Variants in RGMA observed in about 807,000 individuals in gnomAD.
RGMA encodes repulsive guidance molecule BMP co-receptor a.
In RGMA, 10 loss-of-function variants were observed where a neutral mutation model predicts 23.2. The ratio of observed to expected loss-of-function variants is 0.43; its 90% CI spans 0.27 to 0.73. The LOEUF (loss-of-function observed/expected upper bound fraction) is 0.73, where lower values mean the gene tolerates loss of function less well. Among genes scored for constraint, RGMA ranks in the 30% least tolerant of loss-of-function variants. The probability of loss-of-function intolerance (pLI) is 0.20; values close to 1 mark genes in which losing one functional copy is unlikely to be tolerated. For missense variants in RGMA, 547 were observed against 630.5 expected, an observed-to-expected ratio of 0.87 and a Z score of 1.42; for synonymous variants, 308 against 279.3, an observed-to-expected ratio of 1.10 and a Z score of -1.03.
At chr15:93,063,910 G>T (rs1254705190) in intron 2 of RGMA, among the ~76,000 whole-genome samples, 1 of 152,190 alleles carries the variant, frequency 6.6e-6, no homozygotes, top group South Asian at 2.1e-4. Context: ...AAAAGTGGCC[G>T]AATGCCACTC....
intron 2 of RGMA, among the ~76,000 whole-genome samples, chr15:93,055,580 C>T (rs2055000361): frequency 6.6e-6 from 1 of 152,218 alleles, no homozygotes; most frequent in Non-Finnish European, 1.5e-5. Flanking sequence ...CCCCGGCAGC[C>T]ACACATCATC....
At chr15:93,053,630 G>T (rs376161251) in intron 2 of RGMA, among the ~76,000 whole-genome samples, 6 of 152,202 alleles carry the variant, frequency 3.9e-5, no homozygotes, top group Non-Finnish European at 8.8e-5. Flanking sequence ...GCAGGCTAAC[G>T]CGAGCACGAG....
chr15:93,053,503 T>C (rs879890064), intron 2 of RGMA, among the ~76,000 whole-genome samples: 1 of 152,190 alleles, frequency 6.6e-6, no homozygotes, highest in African/African-American at 2.4e-5. Context: ...GCCTCAGCAC[T>C]CTTGTCTGGG....
chr15:93,048,527 G>C (rs147539156), intron 3 of RGMA, among the ~76,000 whole-genome samples: 1 of 152,070 alleles, frequency 6.6e-6, no homozygotes, highest in African/African-American at 2.4e-5. Flanking sequence ...GACCGGACTC[G>C]ATTTCCTCGC....
intron 3 of RGMA, among the ~76,000 whole-genome samples, chr15:93,050,774 C>G (rs2054904686): frequency 6.6e-6 from 1 of 152,160 alleles, no homozygotes; most frequent in Non-Finnish European, 1.5e-5. Context: ...CTCAGACCTC[C>G]CTGTGCGCCC....
intron 2 of RGMA, among the ~76,000 whole-genome samples, chr15:93,061,194 G>T (rs1281124801): frequency 6.6e-6 from 1 of 152,084 alleles, no homozygotes; most frequent in Admixed American, 6.5e-5. Flanking sequence ...TCACTCTGTC[G>T]CCCAGGCTGG....
rs2054934851 is a variant in RGMA, at chr15:93,052,208, T to C, written c.430A>G (p.Ile144Val). 1.9e-6 allele frequency: 3 copies of C among 1,610,042 alleles called. No homozygotes were observed. The highest frequency in any genetic ancestry group is 2.5e-6 in the Non-Finnish European group (3 of 1,177,008). ...TGAAAGCTCTTCTCGTAATGGCAGA[T>C]CTCGGGGCTGTCCGAGCGCTCCTGG... is the stretch of plus-strand genomic sequence containing the variant. Reference protein sequence around the residue: ...DSQERSDSPEICHYEKSFHKH... With the variant: ...DSQERSDSPEVCHYEKSFHKH... The change falls in exon 3 of 4, where the codon ATC becomes GTC. Residue 144 changes from isoleucine (I) to valine (V), a missense_variant. Physicochemically the swap from Ile to Val is conservative, Grantham distance 29. This residue lies in a region of RGMA where 214 missense variants were observed against 234.7 expected (regional missense o/e 0.91). Coordinates refer to ENST00000329082, the MANE Select transcript of RGMA (RefSeq NM_020211.3).
At position 93,042,285 on chromosome 15, in the gene RGMA, A is replaced by G. The variant is rs1286418640; in HGVS notation, c.*2713T>C. The G allele has an allele frequency of 2.6e-5, 4 of 152,284 alleles. No individual in the cohort carries two copies. The highest frequency in any genetic ancestry group is 2.1e-4 in the South Asian group (1 of 4,834). The allele number at this position is 152,284 out of a possible 1,614,324, so 9.4% of individuals were successfully genotyped here. A position where few individuals can be genotyped will look rare whatever the true frequency, so the allele number is the denominator to read the frequency against. Reference sequence around the variant, plus strand: ...AGCCTGCAGGTTCACCTCTCCCAAGAGTCCAGGGTCTGTATCGCCCCTTTC... The same window carrying G: ...AGCCTGCAGGTTCACCTCTCCCAAGGGTCCAGGGTCTGTATCGCCCCTTTC... On this transcript the variant is annotated 3_prime_UTR_variant, in exon 4 of 4. Transcript: ENST00000329082.
chr15:93,064,174 G>C (rs546195506), intron 2 of RGMA, among the ~76,000 whole-genome samples: 39 of 152,262 alleles, frequency 2.6e-4, no homozygotes, highest in Admixed American at 1.4e-3. Flanking sequence ...TCAGTGGGGG[G>C]GCTGATAGCT....
intron 1 of RGMA, chr15:93,088,570 G>C (rs1224100721): frequency 4.5e-5 from 47 of 1,047,034 alleles, no homozygotes; most frequent in Non-Finnish European, 5.1e-5. Context: ...CGGCGGGACA[G>C]TCGGGTGGCC....
chr15:93,063,143 G>C (rs1202598950), intron 2 of RGMA: 1 of 152,236 alleles, frequency 6.6e-6, no homozygotes, highest in Non-Finnish European at 1.5e-5. Flanking sequence ...AAGGGAGGGA[G>C]AGCAGCTTAA....
At chr15:93,070,972 C>T (rs1275625218) in intron 2 of RGMA, among the ~76,000 whole-genome samples, 1 of 152,214 alleles carries the variant, frequency 6.6e-6, no homozygotes, top group Non-Finnish European at 1.5e-5. Flanking sequence ...CCACTCAGGC[C>T]ATGCAGCCTC....
At chr15:93,070,352 C>A (rs775948097) in intron 2 of RGMA, among the ~76,000 whole-genome samples, 1 of 152,210 alleles carries the variant, frequency 6.6e-6, no homozygotes, top group Non-Finnish European at 1.5e-5. Context: ...GAGGCTTTCA[C>A]GCAGTTGCTC....
intron 3 of RGMA, among the ~76,000 whole-genome samples, chr15:93,049,616 G>T (rs367711548): frequency 8.5e-5 from 13 of 152,370 alleles, no homozygotes; most frequent in South Asian, 2.1e-4. Context: ...CCAGTATCAT[G>T]AGAAACAAAT....
At position 93,073,026 on chromosome 15, in the gene RGMA, C is replaced by T. The variant is rs758296561; in HGVS notation, c.20G>A (p.Arg7Lys). Residue 7 changes from arginine to lysine, a missense_variant, in exon 2 of 4, where the codon AGG (arginine) becomes AAG (lysine). This residue lies in a region of RGMA where 214 missense variants were observed against 234.7 expected (regional missense o/e 0.91). Transcript: ENST00000329082. ...TCCAGCTCGGCCTGTTACCACTAGC[C>T]TCTCCCTGGAAGAAGAGTTCAGAAA... The part of the protein sequence containing the change: MQPPRE[R>K]LVVTGRAGWM... 2 of 1,600,060 alleles carry T rather than the reference C, an allele frequency of 1.2e-6. No individual in the cohort carries two copies. Among genetic ancestry groups the T allele is most frequent in the Non-Finnish European group, 1.7e-6 (2 of 1,173,936 alleles).
chr15:93,069,839 C>CT (rs1895267709), intron 2 of RGMA, among the ~76,000 whole-genome samples: 1 of 152,232 alleles, frequency 6.6e-6, no homozygotes, highest in Non-Finnish European at 1.5e-5. Flanking sequence ...AACAGGAAGC[C>CT]TGGTGACATG....
At chr15:93,083,935 T>C (rs1267637290) in intron 1 of RGMA, among the ~76,000 whole-genome samples, 1 of 152,228 alleles carries the variant, frequency 6.6e-6, no homozygotes, top group Non-Finnish European at 1.5e-5. Context: ...GAAAATGCAA[T>C]TGCACAAAAG....
intron 1 of RGMA, among the ~76,000 whole-genome samples, chr15:93,084,935 G>A (rs958007997): frequency 6.6e-6 from 1 of 152,010 alleles, no homozygotes; most frequent in African/African-American, 2.4e-5. Context: ...GGCCTTCAGG[G>A]GTAGGTATAT....
intron 1 of RGMA, among the ~76,000 whole-genome samples, chr15:93,075,116 A>G (rs1895450963): frequency 6.7e-6 from 1 of 149,804 alleles, no homozygotes; most frequent in Non-Finnish European, 1.5e-5. Flanking sequence ...TTTTTCAATG[A>G]GAACAGAAAA....
Sources: allele counts gnomAD v4.1 joint callset (sites outside exome capture counted in the v4.1 genomes callset), GRCh38; gene constraint gnomAD v4.1.1; regional missense constraint gnomAD v4.1.1; transcripts MANE v1.5; gene names NCBI Gene and HGNC (gene_info 2026-07-23, HGNC 2026-07-21).